The following GPR89B variants were observed in gnomAD, a reference collection of about 807,000 sequenced individuals.
GPR89B encodes G protein-coupled receptor 89B.
Under a neutral mutation model 52.4 loss-of-function variants are expected in GPR89B, and 25 were observed. The observed-to-expected ratio is 0.48, with a 90% CI of 0.35 to 0.67. The LOEUF (loss-of-function observed/expected upper bound fraction) is 0.67. Among genes scored for constraint, GPR89B ranks in the 30% least tolerant of loss-of-function variants. The pLI is 0.01. For synonymous variants in GPR89B, 52 were observed against 151.2 expected, an observed-to-expected ratio of 0.34 and a Z score of 4.81; for missense variants, 146 against 450.2, an observed-to-expected ratio of 0.32 and a Z score of 6.11.
intron 7 of GPR89B, among the ~76,000 whole-genome samples, chr1:147,956,394 T>A (rs1656115572): frequency 6.6e-6 from 1 of 152,304 alleles, no homozygotes; most frequent in Non-Finnish European, 1.5e-5. Flanking sequence ...TGGTTCCATA[T>A]GTATTTTAGG....
the GPR89B span, among the ~76,000 whole-genome samples, chr1:148,022,204 C>T: frequency 6.6e-6 from 1 of 151,586 alleles, no homozygotes; most frequent in Non-Finnish European, 1.5e-5. Context: ...TACAGTTCTT[C>T]CAGGATTGAG....
At chr1:147,970,505 C>T (rs1553253137) in intron 10 of GPR89B, among the ~76,000 whole-genome samples, 2 of 138,460 alleles carry the variant, frequency 1.4e-5, no homozygotes, top group East Asian at 4.0e-4. Context: ...CTCTCTCTCT[C>T]TCTCTCTCTC....
chr1:148,006,938 A>T, the GPR89B span, among the ~76,000 whole-genome samples: 18 of 151,396 alleles, frequency 1.2e-4, no homozygotes, highest in African/African-American at 4.4e-4. Context: ...GCTTGTCTCG[A>T]ACTCCTGACC....
At chr1:147,961,466 A>G (rs1180848300) in intron 7 of GPR89B, among the ~76,000 whole-genome samples, 1 of 152,304 alleles carries the variant, frequency 6.6e-6, no homozygotes, top group Non-Finnish European at 1.5e-5. Flanking sequence ...GGAAAAAAAA[A>G]AGTAATGGTT....
At chr1:147,972,332 G>A (rs1399168127) in intron 10 of GPR89B, among the ~76,000 whole-genome samples, 74 of 151,446 alleles carry the variant, frequency 4.9e-4, no homozygotes, top group Admixed American at 1.6e-3. Flanking sequence ...TTTCTCTTGA[G>A]TAGGCACTTA....
chr1:148,012,936 C>T, the GPR89B span, among the ~76,000 whole-genome samples: 1 of 151,788 alleles, frequency 6.6e-6, no homozygotes, highest in Non-Finnish European at 1.5e-5. Context: ...AATAGCAGAA[C>T]GAATTTATTA....
the GPR89B span, among the ~76,000 whole-genome samples, chr1:148,012,590 C>G: frequency 6.6e-6 from 1 of 150,928 alleles, no homozygotes; most frequent in East Asian, 2.0e-4. Flanking sequence ...GCAAGGACAG[C>G]AGAACACTGA....
At chr1:147,965,194 A>C (rs1656944881) in intron 7 of GPR89B, among the ~76,000 whole-genome samples, 1 of 151,628 alleles carries the variant, frequency 6.6e-6, no homozygotes, top group Admixed American at 6.6e-5. Flanking sequence ...GGTCATTTTC[A>C]AAAGGAAACA....
chr1:147,958,055 C>A (rs1427255770), intron 7 of GPR89B, among the ~76,000 whole-genome samples: 2 of 150,108 alleles, frequency 1.3e-5, no homozygotes, highest in African/African-American at 4.9e-5. Context: ...TGGAGTGAGA[C>A]TCCGTCTCAA....
At chr1:147,956,351 T>C (rs1454068080) in intron 7 of GPR89B, among the ~76,000 whole-genome samples, 1 of 152,274 alleles carries the variant, frequency 6.6e-6, no homozygotes, top group Non-Finnish European at 1.5e-5. Context: ...TTTGTTCTTT[T>C]ATTCATGATT....
chr1:147,936,263 T>A (rs191018668), intron 1 of GPR89B, among the ~76,000 whole-genome samples: 67 of 152,342 alleles, frequency 4.4e-4, no homozygotes, highest in African/African-American at 1.6e-3. Flanking sequence ...CTGCCCACCT[T>A]GTCCTCCCGA....
At chr1:147,990,318 G>A (rs1372858967) in intron 12 of GPR89B, among the ~76,000 whole-genome samples, 2 of 152,066 alleles carry the variant, frequency 1.3e-5, no homozygotes, top group African/African-American at 4.8e-5. Flanking sequence ...TTGTAAATTT[G>A]TTTGAGTTCT....
intron 7 of GPR89B, among the ~76,000 whole-genome samples, chr1:147,963,485 A>G (rs1656788183): frequency 6.6e-6 from 1 of 152,098 alleles, no homozygotes; most frequent in African/African-American, 2.4e-5. Context: ...TAGAATAAAA[A>G]ACATTCAAAG....
the GPR89B span, among the ~76,000 whole-genome samples, chr1:148,021,382 A>G: frequency 2.0e-5 from 3 of 151,822 alleles, no homozygotes; most frequent in South Asian, 2.1e-4. Context: ...GGCACCTGTA[A>G]TCCCAGCTAC....
chr1:147,934,208 G>A (rs1476947652), intron 1 of GPR89B, among the ~76,000 whole-genome samples: 4 of 150,926 alleles, frequency 2.7e-5, no homozygotes, highest in East Asian at 1.9e-4. Flanking sequence ...ACAGGGTTTC[G>A]CTCTGTCACC....
At chr1:147,956,839 G>C (rs2149062995) in intron 7 of GPR89B, among the ~76,000 whole-genome samples, 1 of 151,790 alleles carries the variant, frequency 6.6e-6, no homozygotes. Context: ...CCAGATTCAA[G>C]CAATTCTCCT....
chr1:147,930,480 G>A (rs1403725447), intron 1 of GPR89B, among the ~76,000 whole-genome samples: 7 of 151,910 alleles, frequency 4.6e-5, no homozygotes, highest in Non-Finnish European at 1.0e-4. Flanking sequence ...TGTCTGTCTT[G>A]TTCTCTCCTG....
rs1210843161 is a variant in GPR89B, at chr1:147,964,215, T to C, written c.618-2339T>C. Among the ~76,000 whole-genome samples the C allele has an allele frequency of 4.6e-5, 7 of 151,446 alleles. No individual in the cohort carries two copies. The East Asian group carries it at 1.4e-3, about 29-fold the overall frequency. ...TCTGTATTTTTTCTCAAAACTACAT[T>C]ATGAATCTACAATTATTTCAAAAAG... On this transcript the variant is annotated intron_variant, in intron 7 of 13. Transcript: ENST00000314163.
At chr1:147,948,906 G>A (rs1315884843) in intron 5 of GPR89B, among the ~76,000 whole-genome samples, 3 of 151,926 alleles carry the variant, frequency 2.0e-5, no homozygotes, top group African/African-American at 7.3e-5. Context: ...AGGACCCTGC[G>A]GCCTTCCGCA....
Sources: allele counts gnomAD v4.1 joint callset (sites outside exome capture counted in the v4.1 genomes callset), GRCh38; gene constraint gnomAD v4.1.1; transcripts MANE v1.5; gene names NCBI Gene and HGNC (gene_info 2026-07-23, HGNC 2026-07-21).